ZNF385C: variants seen among roughly 807,000 people sequenced by gnomAD.
ZNF385C encodes the protein CTD-2132N18.2.
Under a neutral mutation model 35.4 loss-of-function variants are expected in ZNF385C, and 28 were observed. That is an observed-to-expected ratio of 0.79 (90% confidence interval 0.59 to 1.08). The LOEUF is 1.08. Ranked by LOEUF, ZNF385C falls within the 50% of genes least tolerant of loss-of-function variation. ZNF385C has a pLI of 0.00. For missense variants in ZNF385C, 605 were observed against 595.6 expected, an observed-to-expected ratio of 1.02 and a Z score of -0.16; for synonymous variants, 248 against 248.2, an observed-to-expected ratio of 1.00 and a Z score of 0.01.
chr17:42,072,939 T>TC (rs1263495159), intron 1 of ZNF385C, among the ~76,000 whole-genome samples: 2 of 150,886 alleles, frequency 1.3e-5, no homozygotes, highest in African/African-American at 4.9e-5. Context: ...CTGGCTGCCT[T>TC]CCCCCACCCC....
Position 42,027,007 on chromosome 17 carries a change from T to C in ZNF385C, c.1402A>G (p.Thr468Ala). 1.9e-6 allele frequency: 3 copies of C among 1,608,894 alleles called. No homozygotes were observed. Among genetic ancestry groups the C allele is most frequent in the Non-Finnish European group, 2.5e-6 (3 of 1,177,528 alleles). ...PGPLALRPAP[T>A]AATTLFPAPI... The stretch of plus-strand genomic sequence containing the variant: ...GCCGGGAAGAGGGTAGTGGCTGCTG[T>C]AGGGGCAGGGCGGAGGGCCAGGGGC... Residue 468 changes from threonine to alanine, a missense_variant, in exon 9 of 9, where the codon ACA becomes GCA. Coordinates refer to ENST00000692273, the MANE Select transcript of ZNF385C (RefSeq NM_001392013.1).
At chr17:42,064,485 C>T (rs2053519039) in intron 1 of ZNF385C, among the ~76,000 whole-genome samples, 1 of 152,212 alleles carries the variant, frequency 6.6e-6, no homozygotes, top group South Asian at 2.1e-4. Context: ...GAAAGTAACT[C>T]TATTTGGAGA....
intron 1 of ZNF385C, among the ~76,000 whole-genome samples, chr17:42,065,924 C>G (rs1257763470): frequency 1.3e-5 from 2 of 152,104 alleles, no homozygotes; most frequent in Admixed American, 6.6e-5. Flanking sequence ...TCGTCTATAC[C>G]TCTGTAGAAT....
At chr17:42,093,531 G>C (rs1372926414) in intron 1 of ZNF385C, among the ~76,000 whole-genome samples, 4 of 152,102 alleles carry the variant, frequency 2.6e-5, no homozygotes, top group African/African-American at 9.7e-5. Flanking sequence ...AGAGGAGTTA[G>C]AGGAGATGAG....
chr17:42,046,560 A>G (rs985684299), intron 2 of ZNF385C, among the ~76,000 whole-genome samples: 2 of 152,142 alleles, frequency 1.3e-5, no homozygotes, highest in Non-Finnish European at 2.9e-5. Flanking sequence ...TGATCATGCC[A>G]CTGCACTCCA....
chr17:42,091,843 T>C (rs2053866059), intron 1 of ZNF385C, among the ~76,000 whole-genome samples: 1 of 152,140 alleles, frequency 6.6e-6, no homozygotes, highest in Admixed American at 6.5e-5. Context: ...CCTGCCCCTA[T>C]ATTCACCTCC....
chr17:42,068,030 C>T (rs1555658560), intron 1 of ZNF385C, among the ~76,000 whole-genome samples: 1 of 152,178 alleles, frequency 6.6e-6, no homozygotes, highest in Non-Finnish European at 1.5e-5. Context: ...GGATTCTGGG[C>T]TAATTGTGTT....
chr17:42,034,826 G>T (rs1414802100), intron 3 of ZNF385C, among the ~76,000 whole-genome samples: 1 of 147,842 alleles, frequency 6.8e-6, no homozygotes, highest in Non-Finnish European at 1.5e-5. Context: ...GAAAAGGAAA[G>T]AAAGAAGAAG....
At chr17:42,051,986 G>A (rs1555657148) in intron 2 of ZNF385C, among the ~76,000 whole-genome samples, 1 of 152,220 alleles carries the variant, frequency 6.6e-6, no homozygotes, top group Non-Finnish European at 1.5e-5. Flanking sequence ...AGCCCCCACA[G>A]CTGCCCCCGA....
intron 8 of ZNF385C, 52 bp from the exon 9 acceptor site, chr17:42,027,185 C>G: frequency 6.5e-7 from 1 of 1,546,096 alleles, no homozygotes; most frequent in Admixed American, 1.7e-5. Context: ...AAAACCCCAC[C>G]CCCTCCCTGG....
At chr17:42,077,194 CCTTG>C (rs1230504715) in intron 1 of ZNF385C, among the ~76,000 whole-genome samples, 1 of 152,210 alleles carries the variant, frequency 6.6e-6, no homozygotes, top group Non-Finnish European at 1.5e-5. Flanking sequence ...GGATCAGGCA[CCTTG>C]CTCTGACTGT....
chr17:42,087,102 C>A (rs782580549), intron 1 of ZNF385C, among the ~76,000 whole-genome samples: 1 of 152,072 alleles, frequency 6.6e-6, no homozygotes, highest in Non-Finnish European at 1.5e-5. Context: ...GGATTACAGG[C>A]GTGAGGCCTG....
In ZNF385C at chr17:42,028,779, T is replaced by C. The variant is rs950957562; in HGVS notation, c.967+4A>G. The C allele has an allele frequency of 3.2e-6, 5 of 1,547,104 alleles. No homozygotes were observed. The African/African-American group carries it at 4.1e-5, about 13-fold the overall frequency. The stretch of plus-strand genomic sequence containing the variant: ...CCTGGGCTCCAGCTCCTGGGACTAC[T>C]GACCTGTGTTGTGAGCCTGAAGCTG... On this transcript the variant is annotated splice_donor_region_variant and intron_variant, in intron 6 of 8. Coordinates refer to ENST00000692273, the MANE Select transcript of ZNF385C (RefSeq NM_001392013.1).
intron 2 of ZNF385C, among the ~76,000 whole-genome samples, chr17:42,044,265 G>A (rs1282758735): frequency 3.6e-4 from 51 of 140,664 alleles, no homozygotes; most frequent in African/African-American, 1.3e-3. Context: ...CCATGATGGC[G>A]CCACTGCATT....
chr17:42,065,971 A>G (rs1447317168), intron 1 of ZNF385C, among the ~76,000 whole-genome samples: 1 of 151,378 alleles, frequency 6.6e-6, no homozygotes, highest in Non-Finnish European at 1.5e-5. Flanking sequence ...TCATACACAC[A>G]TTGTGGGGAT....
chr17:42,080,062 C>T (rs1436850935), intron 1 of ZNF385C, among the ~76,000 whole-genome samples: 1 of 152,202 alleles, frequency 6.6e-6, no homozygotes, highest in Non-Finnish European at 1.5e-5. Context: ...GGCAGAGCTA[C>T]CTGGGGTGTG....
At chr17:42,083,295 C>T (rs565914964) in intron 1 of ZNF385C, among the ~76,000 whole-genome samples, 4 of 151,472 alleles carry the variant, frequency 2.6e-5, no homozygotes, top group South Asian at 2.1e-4. Context: ...CTCTGCCCCC[C>T]GGGTTCATGC....
intron 4 of ZNF385C, among the ~76,000 whole-genome samples, chr17:42,033,458 T>C (rs1196213148): frequency 5.9e-5 from 9 of 152,140 alleles, no homozygotes; most frequent in African/African-American, 1.9e-4. Flanking sequence ...GGGATTATAA[T>C]AGCGCCTCTA....
intron 2 of ZNF385C, among the ~76,000 whole-genome samples, chr17:42,060,620 G>C (rs899250468): frequency 1.3e-5 from 2 of 152,110 alleles, no homozygotes; most frequent in African/African-American, 4.8e-5. Flanking sequence ...CCTTTGCTCC[G>C]GCTGCTTCCC....
Sources: allele counts gnomAD v4.1 joint callset (sites outside exome capture counted in the v4.1 genomes callset), GRCh38; gene constraint gnomAD v4.1.1; transcripts MANE v1.5; gene names NCBI Gene and HGNC (gene_info 2026-07-23, HGNC 2026-07-21).